PRKCB: variants seen among roughly 807,000 people sequenced by gnomAD.
PRKCB encodes protein kinase C beta.
A neutral mutation model predicts 81.5 loss-of-function variants in PRKCB; 13 were observed. The ratio of observed to expected loss-of-function variants is 0.16; its 90% confidence interval spans 0.10 to 0.25. The LOEUF (loss-of-function observed/expected upper bound fraction) is 0.25. PRKCB is among the 10% of genes least tolerant of loss of function. PRKCB has a pLI of 1.00. For missense variants in PRKCB, 509 were observed against 875.7 expected, an observed-to-expected ratio of 0.58 and a Z score of 5.29; for synonymous variants, 335 against 321.4, an observed-to-expected ratio of 1.04 and a Z score of -0.45.
chr16:23,935,435 A>G (rs1964045194), intron 2 of PRKCB, among the ~76,000 whole-genome samples: 1 of 152,180 alleles, frequency 6.6e-6, no homozygotes, highest in Admixed American at 6.5e-5. Context: ...AGCTGCAGCA[A>G]ACTTCTCACT....
intron 2 of PRKCB, among the ~76,000 whole-genome samples, chr16:23,914,691 G>A (rs943258257): frequency 6.6e-6 from 1 of 152,094 alleles, no homozygotes; most frequent in Non-Finnish European, 1.5e-5. Context: ...CTTAGAACAG[G>A]GAGCTTTCAA....
chr16:24,140,995 G>C (rs920254187), intron 9 of PRKCB, among the ~76,000 whole-genome samples: 5 of 152,198 alleles, frequency 3.3e-5, no homozygotes, highest in Admixed American at 6.5e-5. Context: ...GGATTGGTTA[G>C]ATCAGATCTC....
At chr16:24,040,360 A>G (rs536119111) in intron 5 of PRKCB, among the ~76,000 whole-genome samples, 11 of 152,274 alleles carry the variant, frequency 7.2e-5, no homozygotes, top group African/African-American at 2.6e-4. Flanking sequence ...TCTGTTTAGA[A>G]TGTTTGCCAT....
intron 5 of PRKCB, among the ~76,000 whole-genome samples, chr16:24,057,242 A>G (rs759719428): frequency 5.9e-5 from 9 of 152,318 alleles, no homozygotes; most frequent in African/African-American, 1.2e-4. Context: ...TTAGATCCCC[A>G]TGTCAGCCCT....
intron 2 of PRKCB, among the ~76,000 whole-genome samples, chr16:23,854,957 T>C (rs957477336): frequency 6.6e-6 from 1 of 152,074 alleles, no homozygotes; most frequent in Admixed American, 6.6e-5. Flanking sequence ...TAGGGCCAGA[T>C]GAGATGCTGT....
chr16:23,974,750 A>C (rs1425361846), intron 2 of PRKCB, among the ~76,000 whole-genome samples: 1 of 152,242 alleles, frequency 6.6e-6, no homozygotes, highest in East Asian at 1.9e-4. Context: ...GAAAAAAAAA[A>C]CTGGAAATAT....
Position 24,185,532 on chromosome 16 carries a change from T to C in PRKCB, c.1687T>C (p.Ser563Pro), listed in dbSNP as rs17847879. 9.9e-6 allele frequency: 16 copies of C among 1,614,122 alleles called. No individual in the cohort carries two copies. The East Asian group carries it at 3.6e-4, about 36-fold the overall frequency. The change falls in exon 15 of 17, where the codon TCT becomes CCT. Residue 563 changes from serine (S) to proline (P), a missense_variant. This residue lies in a region of PRKCB where 104 missense variants were observed against 160.5 expected (regional missense o/e 0.65). Coordinates refer to ENST00000643927, the MANE Select transcript of PRKCB (RefSeq NM_002738.7). ...GGAACACAACGTAGCCTATCCCAAGTCTATGTCCAAGGAAGCTGTGGCCAT... is the reference window on the plus strand; with the variant it reads ...GGAACACAACGTAGCCTATCCCAAGCCTATGTCCAAGGAAGCTGTGGCCAT... ...IMEHNVAYPK[S>P]MSKEAVAICK... is the part of the protein sequence containing the mutation.
At chr16:24,104,634 CAT>C (rs1337632398) in intron 7 of PRKCB, among the ~76,000 whole-genome samples, 2 of 152,156 alleles carry the variant, frequency 1.3e-5, no homozygotes, top group Non-Finnish European at 2.9e-5. Context: ...GAAAAGGTAA[CAT>C]AGAGCAAAGA....
chr16:23,989,244 G>A (rs1438013104), intron 3 of PRKCB, among the ~76,000 whole-genome samples: 1 of 152,170 alleles, frequency 6.6e-6, no homozygotes, highest in Non-Finnish European at 1.5e-5. Context: ...GATTACAGGT[G>A]TGAGTCACTG....
rs141162176 is a variant in PRKCB at position 23,969,920 on chromosome 16, G to A, written c.206-18588G>A. Among the ~76,000 whole-genome samples the A allele has an allele frequency of 3.9e-5, 6 of 152,318 alleles. No individual in the cohort carries two copies. The East Asian group carries it at 7.7e-4, about 20-fold the overall frequency. Reference sequence around the variant, plus strand: ...GCTTGTGCCTGACTCCAGGGACAGAGTGCTTTGTTATGCAGAATAGCTTGC... The same window carrying A: ...GCTTGTGCCTGACTCCAGGGACAGAATGCTTTGTTATGCAGAATAGCTTGC... On this transcript the variant is annotated intron_variant, in intron 2 of 16. Transcript: ENST00000643927.
At chr16:24,071,436 TAAAAAAAAAAAAAA>T (rs398042091) in intron 5 of PRKCB, among the ~76,000 whole-genome samples, 2 of 57,276 alleles carry the variant, frequency 3.5e-5, no homozygotes, top group African/African-American at 1.2e-4. Context: ...AGACCCTGTC[TAAAAAAAAAAAAAA>T]AAAAAAAAAA....
chr16:24,053,684 G>A (rs1161045226), intron 5 of PRKCB, among the ~76,000 whole-genome samples: 7 of 152,196 alleles, frequency 4.6e-5, no homozygotes, highest in Non-Finnish European at 1.0e-4. Flanking sequence ...TTTCAAAGGA[G>A]ATGAAGGAGG....
intron 16 of PRKCB, among the ~76,000 whole-genome samples, chr16:24,192,863 C>T (rs913893422): frequency 6.6e-6 from 1 of 152,134 alleles, no homozygotes; most frequent in African/African-American, 2.4e-5. Flanking sequence ...TTGATGAGCT[C>T]TCAAGGTTGA....
At chr16:24,034,365 G>GCCTCTC (rs908973779) in intron 4 of PRKCB, among the ~76,000 whole-genome samples, 2 of 152,202 alleles carry the variant, frequency 1.3e-5, no homozygotes, top group African/African-American at 4.8e-5. Flanking sequence ...GGGTGACTTG[G>GCCTCTC]CCTCTCCTTC....
At chr16:24,106,009 CAG>C (rs1966572130) in intron 7 of PRKCB, among the ~76,000 whole-genome samples, 2 of 150,754 alleles carry the variant, frequency 1.3e-5, no homozygotes, top group Admixed American at 6.6e-5. Flanking sequence ...TCCTTCTAAA[CAG>C]ATAACTATTA....
intron 7 of PRKCB, among the ~76,000 whole-genome samples, chr16:24,109,036 C>A (rs1382734416): frequency 2.0e-5 from 3 of 147,196 alleles, no homozygotes; most frequent in African/African-American, 7.5e-5. Context: ...GGGGGCTGAC[C>A]CCCCCACCTC....
chr16:24,147,645 G>T (rs1177989832), intron 9 of PRKCB, among the ~76,000 whole-genome samples: 1 of 152,198 alleles, frequency 6.6e-6, no homozygotes, highest in Non-Finnish European at 1.5e-5. Flanking sequence ...AAATATTCCA[G>T]CACTGATTTG....
rs1401635772 is a variant in PRKCB, at chr16:24,136,484, TG to T, written c.1065+12509del. The stretch of plus-strand genomic sequence containing the variant: ...GCAGTCTGATAACCATGGCTCCATC[TG>T]GGGGGTTGTAGGGGGGCCCCCAGCC... On this transcript the variant is annotated intron_variant, in intron 9 of 16. Transcript: ENST00000643927. 2.0e-5 allele frequency among the ~76,000 whole-genome samples: 3 copies of T among 152,234 alleles called. No homozygotes were observed. The East Asian group carries it at 5.8e-4, about 29-fold the overall frequency.
intron 9 of PRKCB, among the ~76,000 whole-genome samples, chr16:24,151,282 G>A (rs1967076843): frequency 1.3e-5 from 2 of 152,154 alleles, no homozygotes; most frequent in Non-Finnish European, 2.9e-5. Context: ...GCAGTATATA[G>A]CTAGAATTTA....
Sources: gnomAD v4.1 joint callset for allele counts (sites outside exome capture counted in the v4.1 genomes callset) on GRCh38, gnomAD v4.1.1 for gene constraint, gnomAD v4.1.1 regional missense constraint, MANE v1.5 for transcripts, NCBI Gene and HGNC (gene_info 2026-07-23, HGNC 2026-07-21) for gene names.